SIN3A: variants seen among roughly 807,000 people sequenced by gnomAD.
SIN3A encodes SIN3 transcription regulator family member A.
SIN3A carries 14 observed loss-of-function variants against 146.1 expected under a neutral mutation model. The ratio of observed to expected loss-of-function variants is 0.10; its 90% confidence interval spans 0.06 to 0.15. SIN3A has a LOEUF of 0.15. Among genes scored for constraint, SIN3A ranks in the 10% least tolerant of loss-of-function variants. The probability of loss-of-function intolerance (pLI) is 1.00; values close to 1 mark genes in which losing one functional copy is unlikely to be tolerated. For missense variants in SIN3A, 1,028 were observed against 1,576.0 expected, an observed-to-expected ratio of 0.65 and a Z score of 5.89; for synonymous variants, 572 against 572.0, an observed-to-expected ratio of 1.00 and a Z score of 0.00.
rs60510690 is a variant in SIN3A, at chr15:75,378,321, T to C, written c.3383+2308A>G. ...GGCTCACACCCGTAATCACAGCACTTTGGGAGGCCGAGGTGGGAGGATCAC... is the reference window on the plus strand; with the variant it reads ...GGCTCACACCCGTAATCACAGCACTCTGGGAGGCCGAGGTGGGAGGATCAC... On this transcript the variant is annotated intron_variant, in intron 19 of 20. Coordinates refer to ENST00000394947, the MANE Select transcript of SIN3A (RefSeq NM_001145358.2). 8.7e-3 allele frequency among the ~76,000 whole-genome samples: 1,318 copies of C among 152,200 alleles called. 35 individuals carry two copies. Among genetic ancestry groups the C allele is most frequent in the African/African-American group, 0.03 (1,261 of 41,522 alleles).
At chr15:75,418,254 T>C (rs1399331387) in intron 3 of SIN3A, among the ~76,000 whole-genome samples, 1 of 150,960 alleles carries the variant, frequency 6.6e-6, no homozygotes, top group Admixed American at 6.6e-5. Flanking sequence ...CTGGTCTCAA[T>C]CTCCTGACCT....
rs1158446764 is a variant in SIN3A, at chr15:75,370,295, C to G, written c.*1684G>C. On this transcript the variant is annotated 3_prime_UTR_variant, in exon 21 of 21. Coordinates refer to ENST00000394947, the MANE Select transcript of SIN3A (RefSeq NM_001145358.2). ...ACCATGTGTTTTGAAAATCCAGGAG[C>G]CAAAAAATTTTGTTTTTCTTTTTGG... 6.6e-6 allele frequency: 1 copy of G among 151,994 alleles called. No homozygotes were observed. The highest frequency in any genetic ancestry group is 1.5e-5 in the Non-Finnish European group (1 of 67,960). 9.4% of individuals were successfully genotyped at this position (151,994 alleles called of 1,614,324 possible).
At chr15:75,386,093 G>A (rs542992717) in intron 16 of SIN3A, among the ~76,000 whole-genome samples, 1 of 152,266 alleles carries the variant, frequency 6.6e-6, no homozygotes, top group South Asian at 2.1e-4. Flanking sequence ...TCGTGATCTT[G>A]GCTCAGTGCA....
chr15:75,451,109 G>A (rs977005656), intron 1 of SIN3A, among the ~76,000 whole-genome samples: 1 of 148,120 alleles, frequency 6.8e-6, no homozygotes, highest in Non-Finnish European at 1.5e-5. Context: ...GTGGTCGGCC[G>A]CAAACTGCAC....
intron 1 of SIN3A, among the ~76,000 whole-genome samples, chr15:75,446,648 T>C (rs1386077988): frequency 6.6e-6 from 1 of 151,562 alleles, no homozygotes; most frequent in Non-Finnish European, 1.5e-5. Context: ...CGCGCCAGCA[T>C]GCTTGGCTAA....
intron 1 of SIN3A, among the ~76,000 whole-genome samples, chr15:75,442,974 A>G (rs1038083541): frequency 4.0e-5 from 6 of 150,462 alleles, no homozygotes; most frequent in Non-Finnish European, 8.9e-5. Flanking sequence ...AAACTCATCT[A>G]GGGTACAGTC....
chr15:75,392,482 T>C lies in SIN3A; in HGVS notation c.2611A>G (p.Thr871Ala). Residue 871 changes from threonine (T) to alanine (A), a missense_variant, in exon 15 of 21, where the codon ACA becomes GCA. By Grantham distance (58) the Thr-to-Ala change is moderately conservative. Transcript: ENST00000394947. ...PPKSKLLFSN[T>A]AAQKLRGMDE... ...ATTCCTCTTAATTTTTGAGCTGCTG[T>C]GTTACTAAACAGTAACTTGGACTTA... 4 of 1,614,240 alleles carry C rather than the reference T, an allele frequency of 2.5e-6. No homozygotes were observed. The highest frequency in any genetic ancestry group is 2.5e-6 in the Non-Finnish European group (3 of 1,180,022).
intron 1 of SIN3A, 172 bp downstream of exon 1, chr15:75,451,251 G>A (rs1694025788): frequency 1.0e-5 from 1 of 97,048 alleles, no homozygotes; most frequent in African/African-American, 4.2e-5. Flanking sequence ...CTCCCGCGCG[G>A]AGAGCTACCC....
chr15:75,411,385 G>T, intron 6 of SIN3A, 107 bp downstream of exon 6: 1 of 1,203,578 alleles, frequency 8.3e-7, no homozygotes, highest in Non-Finnish European at 1.2e-6. Context: ...TTTCTAACTG[G>T]TTAATTTCCA....
At chr15:75,375,546 G>A in intron 20 of SIN3A, 119 bp downstream of exon 20, 1 of 751,836 alleles carries the variant, frequency 1.3e-6, no homozygotes, top group Admixed American at 2.3e-5. Context: ...CCTCAGTTAA[G>A]TCTCAGCTCC....
chr15:75,417,970 G>T (rs1327723469), intron 3 of SIN3A, among the ~76,000 whole-genome samples: 1 of 151,940 alleles, frequency 6.6e-6, no homozygotes, highest in Non-Finnish European at 1.5e-5. Flanking sequence ...CAGAGTTCAG[G>T]CCCTCACCAG....
chr15:75,392,511 G>C lies in SIN3A; in HGVS notation c.2582C>G (p.Pro861Arg), dbSNP rs142699114. 368 of 1,613,956 alleles carry C rather than the reference G, an allele frequency of 2.3e-4. 1 individual carries two copies. Among genetic ancestry groups the C allele is most frequent in the Non-Finnish European group, 3.1e-4 (361 of 1,180,026 alleles). The change falls in exon 15 of 21, where the codon CCC becomes CGC. Residue 861 changes from proline to arginine, a missense_variant. This residue lies in a region of SIN3A where 488 missense variants were observed against 690.2 expected (regional missense o/e 0.71). Transcript: ENST00000394947. ...VKKHNGVGGS[P>R]PKSKLLFSNT... ...ACTAAACAGTAACTTGGACTTAGGG[G>C]GACTGCCCCCAACACCATTGTGCTT... is the stretch of plus-strand genomic sequence containing the variant.
At chr15:75,389,236 G>C (rs1375833686) in intron 16 of SIN3A, among the ~76,000 whole-genome samples, 1 of 152,018 alleles carries the variant, frequency 6.6e-6, no homozygotes, top group Non-Finnish European at 1.5e-5. Context: ...CAAGACAGGA[G>C]GATCACTTGA....
intron 4 of SIN3A, 46 bp from the exon 5 acceptor site, chr15:75,413,091 A>T (rs1347651274): frequency 1.3e-6 from 2 of 1,531,408 alleles, no homozygotes; most frequent in Admixed American, 4.6e-5. Flanking sequence ...AGCTTAACAA[A>T]CACCCTGTTA....
intron 20 of SIN3A, among the ~76,000 whole-genome samples, chr15:75,374,396 G>A (rs1349482576): frequency 2.0e-5 from 3 of 152,188 alleles, no homozygotes; most frequent in African/African-American, 7.2e-5. Context: ...AAAAATAAAT[G>A]CATAAAGTCT....
chr15:75,414,008 A>C (rs2073690549), intron 4 of SIN3A, among the ~76,000 whole-genome samples, 197 bp downstream of exon 4: 1 of 152,222 alleles, frequency 6.6e-6, no homozygotes, highest in African/African-American at 2.4e-5. Flanking sequence ...TAGTTAAGGA[A>C]AATTTACCAA....
intron 3 of SIN3A, chr15:75,422,399 A>C (rs2073854620): frequency 1.7e-6 from 1 of 605,682 alleles, no homozygotes; most frequent in African/African-American, 1.9e-5. Context: ...TGGCCCCACA[A>C]TCCTGATAAC....
chr15:75,397,780 T>C (rs2073332299), intron 12 of SIN3A, among the ~76,000 whole-genome samples: 2 of 152,168 alleles, frequency 1.3e-5, no homozygotes, highest in African/African-American at 4.8e-5. Context: ...TTGCCTCTCA[T>C]TTGGAGGCAT....
chr15:75,375,569 G>A (rs552018488), intron 20 of SIN3A, 96 bp downstream of exon 20: 5 of 941,456 alleles, frequency 5.3e-6, no homozygotes, highest in Non-Finnish European at 8.5e-6. Flanking sequence ...GAACAGGTTT[G>A]CATAAACAAA....
Sources: gnomAD v4.1 joint callset for allele counts (sites outside exome capture counted in the v4.1 genomes callset) on GRCh38, gnomAD v4.1.1 for gene constraint, gnomAD v4.1.1 regional missense constraint, MANE v1.5 for transcripts, NCBI Gene and HGNC (gene_info 2026-07-23, HGNC 2026-07-21) for gene names.